Variants in MCC observed in about 807,000 individuals in gnomAD.
MCC encodes the protein MCC regulator of Wnt signaling pathway, also known as colorectal mutant cancer protein.
MCC carries 90 observed loss-of-function variants against 116.2 expected under a neutral mutation model. The ratio of observed to expected loss-of-function variants is 0.77; its 90% confidence interval spans 0.65 to 0.92. The LOEUF (loss-of-function observed/expected upper bound fraction) is 0.92. Ranked by LOEUF, MCC falls within the 40% of genes least tolerant of loss-of-function variation. The probability of loss-of-function intolerance (pLI) is 0.00; values close to 1 mark genes in which losing one functional copy is unlikely to be tolerated. For synonymous variants in MCC, 578 were observed against 510.5 expected, an observed-to-expected ratio of 1.13 and a Z score of -1.78; for missense variants, 1,516 against 1,312.2, an observed-to-expected ratio of 1.16 and a Z score of -2.40.
intron 3 of MCC, among the ~76,000 whole-genome samples, chr5:113,219,150 G>C (rs1763444836): frequency 6.6e-6 from 1 of 152,204 alleles, no homozygotes. Flanking sequence ...CACCCGAGAA[G>C]ATAATAACAA....
chr5:113,355,659 T>TA (rs1768392921), intron 2 of MCC, among the ~76,000 whole-genome samples: 1 of 152,148 alleles, frequency 6.6e-6, no homozygotes, highest in Non-Finnish European at 1.5e-5. Flanking sequence ...TGTAAGCAGC[T>TA]ACCTCTTGCT....
At chr5:113,369,212 G>A (rs1195858892) in intron 2 of MCC, among the ~76,000 whole-genome samples, 1 of 152,058 alleles carries the variant, frequency 6.6e-6, no homozygotes, top group African/African-American at 2.4e-5. Flanking sequence ...CTCCCCAGAG[G>A]TTGGGGGCTG....
chr5:113,144,668 T>A lies in MCC; in HGVS notation c.742-1308A>T, dbSNP rs374090161. ...CAAAGAAGTCTGACAAATAATCTGG[T>A]ATCAATCATGGTAGGGCCTGCACCT... On this transcript the variant is annotated intron_variant, in intron 4 of 18. Coordinates refer to ENST00000408903, the MANE Select transcript of MCC (RefSeq NM_001085377.2). Among the ~76,000 whole-genome samples, 16 of 152,322 alleles carry A rather than the reference T, an allele frequency of 1.1e-4. No homozygotes were observed. The South Asian group carries it at 3.3e-3, about 32-fold the overall frequency.
intron 1 of MCC, among the ~76,000 whole-genome samples, chr5:113,394,513 G>A (rs376589289): frequency 1.3e-5 from 2 of 152,142 alleles, no homozygotes; most frequent in African/African-American, 4.8e-5. Context: ...TGCTGAAGTA[G>A]GTAGCCTTCA....
chr5:113,450,564 T>C (rs1343472479), intron 1 of MCC, among the ~76,000 whole-genome samples: 2 of 152,240 alleles, frequency 1.3e-5, no homozygotes, highest in East Asian at 1.9e-4. Context: ...GGACCCAGCA[T>C]GCTTTTGAAG....
intron 3 of MCC, among the ~76,000 whole-genome samples, chr5:113,186,404 T>C (rs2150311502): frequency 1.3e-5 from 2 of 152,298 alleles, no homozygotes; most frequent in Middle Eastern, 6.8e-3. Context: ...TGTTTCTGAA[T>C]TTCCCAAGGC....
At chr5:113,181,354 C>G (rs1392489696) in intron 3 of MCC, among the ~76,000 whole-genome samples, 1 of 152,180 alleles carries the variant, frequency 6.6e-6, no homozygotes, top group African/African-American at 2.4e-5. Context: ...AAGAGATTCA[C>G]TTTTACTGGG....
chr5:113,115,273 G>T (rs1757332729), intron 6 of MCC, among the ~76,000 whole-genome samples: 1 of 152,166 alleles, frequency 6.6e-6, no homozygotes, highest in Admixed American at 6.5e-5. Context: ...AAGGGGTCAA[G>T]AAAAATTTCC....
intron 5 of MCC, among the ~76,000 whole-genome samples, chr5:113,132,443 TACAC>T (rs140363649): frequency 0.011 from 416 of 36,556 alleles, 7 homozygotes; most frequent in African/African-American, 0.018. Flanking sequence ...TATATATATA[TACAC>T]ACACACACAC....
chr5:113,089,647 G>A (rs1361239244), intron 8 of MCC, among the ~76,000 whole-genome samples: 1 of 152,238 alleles, frequency 6.6e-6, no homozygotes, highest in African/African-American at 2.4e-5. Context: ...GCCACACGTG[G>A]CTGTAAGCAC....
At chr5:113,204,588 A>G (rs1762829570) in intron 3 of MCC, 1 of 152,190 alleles carries the variant, frequency 6.6e-6, no homozygotes, top group Non-Finnish European at 1.5e-5. Flanking sequence ...GGTGCTGCGG[A>G]GAGTATCTGA....
intron 3 of MCC, among the ~76,000 whole-genome samples, chr5:113,187,354 C>T (rs982527126): frequency 6.6e-6 from 1 of 152,146 alleles, no homozygotes; most frequent in African/African-American, 2.4e-5. Context: ...AGCAATCCGC[C>T]TGCCTCGGCT....
chr5:113,185,755 A>G (rs564023195), intron 3 of MCC, among the ~76,000 whole-genome samples: 70 of 152,352 alleles, frequency 4.6e-4, no homozygotes, highest in African/African-American at 1.6e-3. Context: ...ACAGCATAGT[A>G]GCATAACATA....
At chr5:113,300,025 C>T (rs1177840783) in intron 3 of MCC, among the ~76,000 whole-genome samples, 1 of 152,298 alleles carries the variant, frequency 6.6e-6, no homozygotes, top group East Asian at 1.9e-4. Flanking sequence ...TGTGCACCAA[C>T]ACCATGCTGT....
At chr5:113,108,578 G>A (rs948926997) in intron 6 of MCC, among the ~76,000 whole-genome samples, 7 of 151,020 alleles carry the variant, frequency 4.6e-5, no homozygotes, top group African/African-American at 1.7e-4. Context: ...GCTTGAATCC[G>A]GCAGGTGGAG....
chr5:113,122,265 C>T (rs375150316), intron 6 of MCC, among the ~76,000 whole-genome samples: 4 of 152,194 alleles, frequency 2.6e-5, no homozygotes, highest in African/African-American at 9.6e-5. Context: ...TTAGGAACAA[C>T]ACATTGGAGT....
rs367848138 is a variant in MCC, at chr5:113,049,139, C to G, written c.2609G>C (p.Arg870Pro). 4 of 1,614,218 alleles carry G rather than the reference C, an allele frequency of 2.5e-6. No homozygotes were observed. In the South Asian group the frequency reaches 4.4e-5, roughly 18 times the overall value. ...GCCGCTGCTGGTGGAGCTGAGGGAT[C>G]GCATCCGCTGCTCCTTCTGCTCCTC... ...EVEEQKEQRMRSLSSTSSGSK... is the reference protein window; with the variant it reads ...EVEEQKEQRMPSLSSTSSGSK... Residue 870 changes from arginine to proline, a missense_variant, in exon 16 of 19, where the codon CGA becomes CCA. Coordinates refer to ENST00000408903, the MANE Select transcript of MCC (RefSeq NM_001085377.2).
chr5:113,080,585 T>C (rs1178462848), intron 11 of MCC, among the ~76,000 whole-genome samples: 5 of 152,216 alleles, frequency 3.3e-5, no homozygotes, highest in East Asian at 3.9e-4. Context: ...TTCTCACTCA[T>C]AGGTGGGAAT....
chr5:113,469,762 G>C (rs1397698002), intron 1 of MCC, among the ~76,000 whole-genome samples: 1 of 152,138 alleles, frequency 6.6e-6, no homozygotes, highest in Non-Finnish European at 1.5e-5. Flanking sequence ...TCGTTGATCT[G>C]TCTAATGTTG....
Sources: gnomAD v4.1 joint callset for allele counts (sites outside exome capture counted in the v4.1 genomes callset) on GRCh38, gnomAD v4.1.1 for gene constraint, MANE v1.5 for transcripts, NCBI Gene and HGNC (gene_info 2026-07-23, HGNC 2026-07-21) for gene names.